Variants in KHDRBS1 observed in about 807,000 individuals in gnomAD.
The protein encoded by KHDRBS1 is KH domain-containing, RNA-binding, signal transduction-associated protein 1.
In KHDRBS1, 7 loss-of-function variants were observed where a neutral mutation model predicts 48.4. The ratio of observed to expected loss-of-function variants is 0.14; its 90% CI spans 0.08 to 0.27. The LOEUF (loss-of-function observed/expected upper bound fraction) is 0.27. Among genes scored for constraint, KHDRBS1 ranks in the 10% least tolerant of loss-of-function variants. The pLI is 1.00. For missense variants in KHDRBS1, 458 were observed against 601.2 expected (o/e 0.76, Z 2.49); for synonymous variants, 241 against 235.8 (o/e 1.02, Z -0.20).
rs1455244885 is a variant in KHDRBS1 at position 32,036,987 on chromosome 1, A to G, written c.849A>G (p.Gly283=). The G allele has an allele frequency of 6.2e-7, 1 of 1,613,982 alleles. No homozygotes were observed. Among genetic ancestry groups the G allele is most frequent in the African/African-American group, 1.3e-5 (1 of 74,914 alleles). ...YLNGVPEPSR[G]RGVPVRGRGA... is the part of the protein sequence containing the mutation. ...ATGGAGTACCTGAACCCTCTCGTGG[A>G]CGTGGGGTGCCAGTGAGAGGCCGGG... Residue 283 remains glycine, a synonymous_variant, in exon 5 of 9, where the codon GGA becomes GGG. Coordinates refer to ENST00000327300, the MANE Select transcript of KHDRBS1 (RefSeq NM_006559.3).
chr1:32,017,094 C>A (rs1188993628), intron 1 of KHDRBS1, among the ~76,000 whole-genome samples: 2 of 151,920 alleles, frequency 1.3e-5, no homozygotes, highest in Non-Finnish European at 2.9e-5. Context: ...CCCGTCTCTA[C>A]CAAAAATACA....
intron 8 of KHDRBS1, among the ~76,000 whole-genome samples, chr1:32,041,351 G>GT (rs1639279837): frequency 1.3e-5 from 2 of 152,190 alleles, no homozygotes; most frequent in South Asian, 4.1e-4. Context: ...GCAGATACTT[G>GT]TGAATACAGG....
intron 10 of KHDRBS1, chr1:32,052,355 AAAG>A (rs1176934157): frequency 5.3e-5 from 8 of 152,058 alleles, no homozygotes; most frequent in African/African-American, 1.5e-4. Context: ...GAAAAGAAAA[AAAG>A]AAAGAAAGAA....
intron 10 of KHDRBS1, among the ~76,000 whole-genome samples, chr1:32,049,055 T>G (rs12022851): frequency 2.0e-5 from 3 of 150,980 alleles, no homozygotes; most frequent in East Asian, 2.0e-4. Context: ...TTTTTTTTTG[T>G]TTTTTTGGTT....
chr1:32,026,249 G>A (rs933996854), intron 1 of KHDRBS1, among the ~76,000 whole-genome samples: 4 of 151,992 alleles, frequency 2.6e-5, no homozygotes, highest in African/African-American at 9.7e-5. Flanking sequence ...GCTCACTACA[G>A]CCTCCAACTG....
At chr1:32,030,467 A>T in intron 2 of KHDRBS1, 45 bp downstream of exon 2, 1 of 1,549,706 alleles carries the variant, frequency 6.5e-7, no homozygotes, top group Non-Finnish European at 8.7e-7. Flanking sequence ...CTTTATAGTT[A>T]TGAGAGAGTC....
intron 4 of KHDRBS1, among the ~76,000 whole-genome samples, chr1:32,034,756 T>TC (rs1639144318): frequency 6.6e-6 from 1 of 151,532 alleles, no homozygotes; most frequent in South Asian, 2.1e-4. Flanking sequence ...GGCGGGTGGA[T>TC]CACGAGGTCA....
In KHDRBS1 at chr1:32,042,726, G is replaced by C. The variant is rs181517632; in HGVS notation, c.*102G>C. 8.7e-5 allele frequency: 62 copies of C among 715,302 alleles called. No homozygotes were observed. In the Admixed American group the frequency reaches 1.2e-3, roughly 13 times the overall value. The allele number at this position is 715,302 out of a possible 1,614,324, so 44.3% of individuals were successfully genotyped here. A position where few individuals can be genotyped will look rare whatever the true frequency, so the allele number is the denominator to read the frequency against. ...CTTTACCCACAACAGACAAGTAATT[G>C]TCTAAGTGTTTTTCTTCGTGGTCCC... On this transcript the variant is annotated 3_prime_UTR_variant, in exon 9 of 9. Transcript: ENST00000327300.
chr1:32,042,431 C>T (rs1352280107), intron 8 of KHDRBS1, 96 bp from the exon 9 acceptor site: 38 of 750,524 alleles, frequency 5.1e-5, no homozygotes, highest in Non-Finnish European at 5.3e-5. Flanking sequence ...AGAAGAAACT[C>T]AGTGTTTTTG....
At chr1:32,035,943 G>T (rs1408664485) in intron 4 of KHDRBS1, among the ~76,000 whole-genome samples, 2 of 152,098 alleles carry the variant, frequency 1.3e-5, no homozygotes, top group Non-Finnish European at 2.9e-5. Context: ...TTGTAAGGAT[G>T]AATTAAGAAT....
intron 7 of KHDRBS1, 89 bp from the exon 8 acceptor site, chr1:32,039,426 A>G: frequency 1.3e-6 from 1 of 768,372 alleles, no homozygotes; most frequent in Non-Finnish European, 2.4e-6. Flanking sequence ...TAATACACTT[A>G]GTAAAATGAC....
At chr1:32,036,725 A>G (rs1396664697) in intron 4 of KHDRBS1, among the ~76,000 whole-genome samples, 185 bp from the exon 5 acceptor site, 1 of 152,138 alleles carries the variant, frequency 6.6e-6, no homozygotes, top group Admixed American at 6.5e-5. Flanking sequence ...TGAGGGGTCT[A>G]CCATCAAGAC....
rs1446163598 is a variant in KHDRBS1 at position 32,030,335 on chromosome 1, T to G, written c.420T>G (p.Asp140Glu). The G allele has an allele frequency of 6.2e-7, 1 of 1,611,272 alleles. No individual in the cohort carries two copies. The highest frequency in any genetic ancestry group is 8.5e-7 in the Non-Finnish European group (1 of 1,178,306). Residue 140 changes from aspartate (D) to glutamate (E), a missense_variant, in exon 2 of 9, where the codon GAT becomes GAG. By Grantham distance (45) the Asp-to-Glu change is conservative. Around this residue, in one of 3 missense-constraint regions of KHDRBS1, gnomAD observed 213 missense variants for 215.6 expected, o/e 0.99. Transcript: ENST00000327300. ...TTCAGAAAGGAGACTCAAAAAAGGA[T>G]GATGAGGAGAATTACTTGGATTTAT... ...EKIQKGDSKK[D>E]DEENYLDLFS...
At chr1:32,039,710 A>G in intron 8 of KHDRBS1, 137 bp downstream of exon 8, 1 of 657,300 alleles carries the variant, frequency 1.5e-6, no homozygotes, top group Non-Finnish European at 2.8e-6. Context: ...TAGATGTGAC[A>G]GTAAGAGTTC....
intron 1 of KHDRBS1, among the ~76,000 whole-genome samples, chr1:32,018,732 G>C (rs907973296): frequency 3.5e-4 from 53 of 151,330 alleles, no homozygotes; most frequent in Middle Eastern, 3.4e-3. Context: ...ACTCCAGCCT[G>C]GGGGACAGAG....
intron 1 of KHDRBS1, among the ~76,000 whole-genome samples, chr1:32,026,866 C>G (rs1181597363): frequency 6.6e-6 from 1 of 152,222 alleles, no homozygotes; most frequent in Non-Finnish European, 1.5e-5. Context: ...GCAATCTGAG[C>G]TCACTGCAGC....
At chr1:32,051,887 G>A (rs1639427008) in intron 10 of KHDRBS1, among the ~76,000 whole-genome samples, 1 of 152,176 alleles carries the variant, frequency 6.6e-6, no homozygotes, top group African/African-American at 2.4e-5. Context: ...GGCAACACAT[G>A]GGCTCACTGT....
At chr1:32,044,076 C>A (rs1409240637), downstream of KHDRBS1, among the ~76,000 whole-genome samples, 1 of 152,104 alleles carries the variant, frequency 6.6e-6, no homozygotes, top group Non-Finnish European at 1.5e-5. Context: ...ATAACCAAAG[C>A]TTTTTCACCC....
chr1:32,038,069 T>C, intron 6 of KHDRBS1, 33 bp downstream of exon 6: 1 of 1,609,988 alleles, frequency 6.2e-7, no homozygotes, highest in Non-Finnish European at 8.5e-7. Context: ...CATTTCCCAG[T>C]ACCTAGAAGG....
Sources: allele counts gnomAD v4.1 joint callset (sites outside exome capture counted in the v4.1 genomes callset), GRCh38; gene constraint gnomAD v4.1.1; regional missense constraint gnomAD v4.1.1; transcripts MANE v1.5; gene names NCBI Gene and HGNC (gene_info 2026-07-23, HGNC 2026-07-21).